SVEP1: variants seen among roughly 807,000 people sequenced by gnomAD.
SVEP1 encodes sushi, von Willebrand factor type A, EGF and pentraxin domain containing 1.
SVEP1 carries 164 observed loss-of-function variants against 367.3 expected under a neutral mutation model. The ratio of observed to expected loss-of-function variants is 0.45; its 90% CI spans 0.39 to 0.51. The LOEUF (loss-of-function observed/expected upper bound fraction) is 0.51. Ranked by LOEUF, SVEP1 falls within the 20% of genes least tolerant of loss-of-function variation. The probability of loss-of-function intolerance (pLI) is 0.00; values close to 1 mark genes in which losing one functional copy is unlikely to be tolerated. For missense variants in SVEP1, 4,117 were observed against 4,425.3 expected (o/e 0.93, Z 1.98); for synonymous variants, 1,666 against 1,611.6 (o/e 1.03, Z -0.81).
intron 18 of SVEP1, among the ~76,000 whole-genome samples, chr9:110,465,471 GA>G (rs1420908892): frequency 6.6e-6 from 1 of 152,172 alleles, no homozygotes; most frequent in Non-Finnish European, 1.5e-5. Flanking sequence ...CGTAAGGAAT[GA>G]AATTCATAAT....
At chr9:110,368,271 G>A (rs1249048509) in intron 47 of SVEP1, among the ~76,000 whole-genome samples, 1 of 152,146 alleles carries the variant, frequency 6.6e-6, no homozygotes, top group Non-Finnish European at 1.5e-5. Flanking sequence ...TTCCATACAA[G>A]GTCCCTCTAT....
At position 110,457,357 on chromosome 9, in the gene SVEP1, C is replaced by T. The variant is rs759595695; in HGVS notation, c.3577-5G>A. Reference sequence around the variant, plus strand: ...AAAGAAGCATTCATGGAAAACCTACCAGTAGCATAAAAAAATCAATCAGAG... The same window carrying T: ...AAAGAAGCATTCATGGAAAACCTACTAGTAGCATAAAAAAATCAATCAGAG... On this transcript the variant is annotated splice_region_variant and splice_polypyrimidine_tract_variant and intron_variant, in intron 20 of 47. Transcript: ENST00000374469. The T allele has an allele frequency of 6.2e-7, 1 of 1,602,672 alleles. No individual in the cohort carries two copies. Among genetic ancestry groups the T allele is most frequent in the South Asian group, 1.1e-5 (1 of 89,194 alleles).
chr9:110,430,020 A>G lies in SVEP1; in HGVS notation c.5531-16T>C, dbSNP rs368487033. The G allele has an allele frequency of 7.8e-5, 125 of 1,610,132 alleles. 2 individuals are homozygous for G. In the East Asian group the frequency reaches 8.5e-4, roughly 11 times the overall value. ...CATGAAACAGCTTAACAAAGGAAAAACAAACACGTGACTTTTTTGAGACTG... is the reference window on the plus strand; with the variant it reads ...CATGAAACAGCTTAACAAAGGAAAAGCAAACACGTGACTTTTTTGAGACTG... On this transcript the variant is annotated splice_polypyrimidine_tract_variant and intron_variant, in intron 33 of 47. Transcript: ENST00000374469.
chr9:110,450,219 G>A lies in SVEP1; in HGVS notation c.3943C>T (p.Pro1315Ser). ...TCACAGACTGCATTATTTAAGCATG[G>A]GTTTGACTGGCATTCATTGACTTCT... The part of the protein sequence containing the change: ...ETEVNECQSN[P>S]CLNNAVCEDQ... The change falls in exon 24 of 48, where the codon CCA becomes TCA. Residue 1315 changes from proline to serine, a missense_variant. By Grantham distance (74) the Pro-to-Ser change is moderately conservative. This residue lies in a region of SVEP1 where 2,174 missense variants were observed against 2,494.3 expected (regional missense o/e 0.87). Coordinates refer to ENST00000374469, the MANE Select transcript of SVEP1 (RefSeq NM_153366.4). The A allele has an allele frequency of 1.2e-6, 2 of 1,613,762 alleles. No individual in the cohort carries two copies. Among genetic ancestry groups the A allele is most frequent in the South Asian group, 1.1e-5 (1 of 91,072 alleles).
chr9:110,572,063 C>T (rs1027964402), intron 1 of SVEP1, among the ~76,000 whole-genome samples: 11 of 152,204 alleles, frequency 7.2e-5, no homozygotes, highest in Admixed American at 2.0e-4. Flanking sequence ...GAATCCCCTA[C>T]TTCTCCTTAG....
Position 110,408,019 on chromosome 9 carries a change from G to A in SVEP1, c.7581C>T (p.Gly2527=), listed in dbSNP as rs1456484233. The change falls in exon 38 of 48, where the codon GGC becomes GGT. Residue 2527 remains glycine, a synonymous_variant. Coordinates refer to ENST00000374469, the MANE Select transcript of SVEP1 (RefSeq NM_153366.4). ...AGGCACTGGGACCTTCGAGCCGAAA[G>A]CCTCGGTTGCAAGAGTAGGTAACGG... is the stretch of plus-strand genomic sequence containing the variant. ...GQTVTYSCNR[G]FRLEGPSALT... is the part of the protein sequence containing the mutation. 2 of 1,614,040 alleles carry A rather than the reference G, an allele frequency of 1.2e-6. No individual in the cohort carries two copies. The highest frequency in any genetic ancestry group is 4.5e-5 in the East Asian group (2 of 44,892).
intron 24 of SVEP1, among the ~76,000 whole-genome samples, chr9:110,448,491 G>A (rs530805089): frequency 6.6e-6 from 1 of 152,168 alleles, no homozygotes; most frequent in Non-Finnish European, 1.5e-5. Context: ...AGTTGGAATT[G>A]AGGGATCTTT....
chr9:110,556,424 A>C (rs1830358890), intron 1 of SVEP1, among the ~76,000 whole-genome samples: 1 of 152,198 alleles, frequency 6.6e-6, no homozygotes, highest in African/African-American at 2.4e-5. Context: ...CCTTAATTGC[A>C]ATTACCCATT....
rs1564182279 is a variant in SVEP1 at position 110,579,583 on chromosome 9, C to A, written c.-40G>T. The A allele has an allele frequency of 3.9e-6, 6 of 1,522,076 alleles. No homozygotes were observed. In the South Asian group the frequency reaches 6.3e-5, roughly 16 times the overall value. The allele number at this position is 1,522,076 out of a possible 1,614,324, so 94.3% of individuals were successfully genotyped here. On this transcript the variant is annotated 5_prime_UTR_variant, in exon 1 of 48. Coordinates refer to ENST00000374469, the MANE Select transcript of SVEP1 (RefSeq NM_153366.4). This position sits in a 1 kb window ranked among gnomAD's most constrained non-coding sequence, Gnocchi z 5.3. ...AGCGGCTGCCCCGGAGCGCAGGCGG[C>A]GGCTCGGGCGGGAAGAGGCGCTGGG...
intron 17 of SVEP1, among the ~76,000 whole-genome samples, chr9:110,467,385 C>A (rs149429496): frequency 3.9e-5 from 6 of 152,254 alleles, no homozygotes; most frequent in African/African-American, 1.4e-4. Flanking sequence ...AGACTTCTTT[C>A]CATTAATTGA....
At chr9:110,448,554 C>A (rs79873098) in intron 24 of SVEP1, among the ~76,000 whole-genome samples, 1 of 152,126 alleles carries the variant, frequency 6.6e-6, no homozygotes, top group Non-Finnish European at 1.5e-5. Flanking sequence ...TTTCACTCAC[C>A]TTTATCCTCC....
intron 42 of SVEP1, among the ~76,000 whole-genome samples, chr9:110,386,727 ATTTCAGATT>A (rs1239561043): frequency 2.0e-5 from 3 of 152,356 alleles, no homozygotes; most frequent in African/African-American, 7.2e-5. Flanking sequence ...ATTTCAAGCA[ATTTCAGATT>A]TTTAAATGGG....
intron 22 of SVEP1, among the ~76,000 whole-genome samples, chr9:110,454,593 G>A (rs1300060259): frequency 3.3e-5 from 5 of 152,198 alleles, no homozygotes; most frequent in African/African-American, 9.6e-5. Context: ...TAAAGAAAAT[G>A]TGGTACTTAT....
intron 16 of SVEP1, among the ~76,000 whole-genome samples, chr9:110,469,972 C>A (rs971536799): frequency 4.6e-5 from 7 of 152,158 alleles, no homozygotes; most frequent in African/African-American, 1.7e-4. Context: ...AAAAACCCAA[C>A]GGAGCTCTTG....
At chr9:110,390,847 C>CCAA (rs1215116793) in intron 40 of SVEP1, among the ~76,000 whole-genome samples, 1 of 152,040 alleles carries the variant, frequency 6.6e-6, no homozygotes, top group African/African-American at 2.4e-5. Context: ...ATGAGAAATA[C>CCAA]CAACAGTAGA....
At chr9:110,503,003 A>AATCAC (rs1829560068) in intron 6 of SVEP1, 35 bp downstream of exon 6, 1 of 1,580,412 alleles carries the variant, frequency 6.3e-7, no homozygotes. Context: ...AGAGGAAATG[A>AATCAC]ATCACTCAAG....
At chr9:110,498,809 TCTA>T (rs1404530099) in intron 7 of SVEP1, among the ~76,000 whole-genome samples, 1 of 152,178 alleles carries the variant, frequency 6.6e-6, no homozygotes, top group Non-Finnish European at 1.5e-5. Flanking sequence ...GATTTTCAGC[TCTA>T]CTATTTTCCT....
intron 3 of SVEP1, among the ~76,000 whole-genome samples, chr9:110,526,817 T>C (rs1372911540): frequency 1.3e-5 from 2 of 152,086 alleles, no homozygotes; most frequent in African/African-American, 4.8e-5. Context: ...CTGTGGTACA[T>C]TTATACTATG....
intron 3 of SVEP1, among the ~76,000 whole-genome samples, chr9:110,536,973 G>A (rs1406375881): frequency 6.6e-6 from 1 of 151,974 alleles, no homozygotes; most frequent in Admixed American, 6.6e-5. Context: ...CCCAGAAATT[G>A]AGAAAGTGAA....
Sources: allele counts gnomAD v4.1 joint callset (sites outside exome capture counted in the v4.1 genomes callset), GRCh38; gene constraint gnomAD v4.1.1; regional missense constraint gnomAD v4.1.1; non-coding constraint Gnocchi (gnomAD v3.1); transcripts MANE v1.5; gene names NCBI Gene and HGNC (gene_info 2026-07-23, HGNC 2026-07-21).